Variants in COL11A1 observed in about 807,000 individuals in gnomAD.
The protein encoded by COL11A1 is collagen alpha-1(XI) chain.
In COL11A1, 74 loss-of-function variants were observed where a neutral mutation model predicts 265.2. That is an observed-to-expected ratio of 0.28 (90% CI 0.23 to 0.34). COL11A1 has a LOEUF of 0.34. COL11A1 is among the 10% of genes least tolerant of loss of function. The probability of loss-of-function intolerance (pLI) is 1.00; values close to 1 mark genes in which losing one functional copy is unlikely to be tolerated. For synonymous variants in COL11A1, 816 were observed against 727.6 expected (o/e 1.12, Z -1.96); for missense variants, 2,165 against 2,263.6 (o/e 0.96, Z 0.88).
intron 54 of COL11A1, among the ~76,000 whole-genome samples, chr1:102,905,421 G>GGAAGA (rs1557800467): frequency 2.7e-5 from 4 of 149,186 alleles, no homozygotes; most frequent in Non-Finnish European, 4.4e-5. Flanking sequence ...AGAAAGGAAG[G>GGAAGA]AAGGAAGAAA....
intron 1 of COL11A1, among the ~76,000 whole-genome samples, chr1:103,091,438 G>T (rs966806685): frequency 2.2e-4 from 34 of 151,868 alleles, no homozygotes; most frequent in African/African-American, 8.2e-4. Flanking sequence ...AACCCTTTTT[G>T]GATGAAATTA....
chr1:102,980,115 T>G (rs963477941), intron 31 of COL11A1, among the ~76,000 whole-genome samples: 5 of 152,118 alleles, frequency 3.3e-5, no homozygotes, highest in African/African-American at 1.2e-4. Context: ...ACATTACTTA[T>G]GCGCATCAAG....
chr1:102,966,863 T>G (rs34277983), intron 37 of COL11A1, among the ~76,000 whole-genome samples: 19,003 of 152,128 alleles, frequency 0.12, 1,431 homozygotes, highest in Middle Eastern at 0.19. Flanking sequence ...CCTAAAACTC[T>G]CTCAGTAAGT....
At chr1:103,047,718 C>G (rs920516748) in intron 4 of COL11A1, among the ~76,000 whole-genome samples, 12 of 149,986 alleles carry the variant, frequency 8.0e-5, no homozygotes, top group African/African-American at 2.4e-4. Context: ...TTTGCCCATT[C>G]AGTATGATAT....
rs1655091641 is a variant in COL11A1 at position 102,914,654 on chromosome 1, A to G, written c.3924+50T>C. On this transcript the variant is annotated intron_variant, in intron 51 of 66. Coordinates refer to ENST00000370096, the MANE Select transcript of COL11A1 (RefSeq NM_001854.4). ...TTCAAATCTTTCTAAGAAAAGCTCCAAGGTGAGTTTGGCATAAATGCCACA... is the reference window on the plus strand; with the variant it reads ...TTCAAATCTTTCTAAGAAAAGCTCCGAGGTGAGTTTGGCATAAATGCCACA... The G allele has an allele frequency of 2.2e-6, 3 of 1,375,062 alleles. No homozygotes were observed. The South Asian group carries it at 3.6e-5, about 16-fold the overall frequency. The allele number at this position is 1,375,062 out of a possible 1,614,324, so 85.2% of individuals were successfully genotyped here.
intron 46 of COL11A1, among the ~76,000 whole-genome samples, chr1:102,924,726 T>C (rs1656395208): frequency 6.6e-6 from 1 of 152,074 alleles, no homozygotes; most frequent in African/African-American, 2.4e-5. Context: ...AGTTTAATCT[T>C]AGAAAAAAGA....
chr1:102,923,979 C>T (rs1031622072), intron 46 of COL11A1, among the ~76,000 whole-genome samples: 5 of 150,014 alleles, frequency 3.3e-5, no homozygotes, highest in Non-Finnish European at 7.4e-5. Context: ...GAGGCTGAGG[C>T]GGGCGGATCA....
chr1:102,952,620 T>C (rs1397324490), intron 41 of COL11A1, among the ~76,000 whole-genome samples: 2 of 152,242 alleles, frequency 1.3e-5, no homozygotes. Flanking sequence ...TTTTGGAATG[T>C]ATATCCATGC....
Position 103,095,411 on chromosome 1 carries a change from G to A in COL11A1, c.107-12439C>T, listed in dbSNP as rs534339359. Among the ~76,000 whole-genome samples, 296 of 152,008 alleles carry A rather than the reference G, an allele frequency of 1.9e-3. 2 individuals carry two copies. Among genetic ancestry groups the A allele is most frequent in the African/African-American group, 6.8e-3 (283 of 41,500 alleles). Reference sequence around the variant, plus strand: ...TTATAGGGAGGGTTGCAAAGGCCTGGAAAATAATATCAAATAAAAAGAACA... The same window carrying A: ...TTATAGGGAGGGTTGCAAAGGCCTGAAAAATAATATCAAATAAAAAGAACA... On this transcript the variant is annotated intron_variant, in intron 1 of 66. Transcript: ENST00000370096.
At chr1:102,883,857 G>T (rs879273102) in intron 63 of COL11A1, among the ~76,000 whole-genome samples, 1 of 151,796 alleles carries the variant, frequency 6.6e-6, no homozygotes, top group South Asian at 2.1e-4. Flanking sequence ...TTGAAGGGGG[G>T]TCCTAAGAAG....
intron 48 of COL11A1, among the ~76,000 whole-genome samples, chr1:102,921,089 G>T (rs562853096): frequency 6.6e-6 from 1 of 152,162 alleles, no homozygotes; most frequent in African/African-American, 2.4e-5. Context: ...ACATGATAAA[G>T]GGTGCACCTA....
In COL11A1 at chr1:102,997,134, G is replaced by T. The variant is rs1057521170; in HGVS notation, c.2197-10C>A. On this transcript the variant is annotated splice_polypyrimidine_tract_variant and intron_variant, in intron 25 of 66. Coordinates refer to ENST00000370096, the MANE Select transcript of COL11A1 (RefSeq NM_001854.4). The stretch of plus-strand genomic sequence containing the variant: ...CTTTCCCAGGATGACCCTATATTTA[G>T]CAAAAACATACACTGATAAGATGTA... The T allele has an allele frequency of 1.9e-6, 3 of 1,607,190 alleles. No homozygotes were observed. The highest frequency in any genetic ancestry group is 1.7e-5 in the Admixed American group (1 of 59,866).
chr1:102,963,212 C>T (rs942861312), intron 38 of COL11A1, among the ~76,000 whole-genome samples: 13 of 152,016 alleles, frequency 8.6e-5, no homozygotes, highest in Non-Finnish European at 1.6e-4. Context: ...CATGAGAACC[C>T]AAAAAGCCAG....
At chr1:102,980,316 A>T (rs1662917941) in intron 31 of COL11A1, among the ~76,000 whole-genome samples, 1 of 152,144 alleles carries the variant, frequency 6.6e-6, no homozygotes, top group Admixed American at 6.6e-5. Flanking sequence ...GATGGAATAC[A>T]ATATAATCCC....
intron 46 of COL11A1, among the ~76,000 whole-genome samples, chr1:102,932,531 C>T (rs1657597410): frequency 6.6e-6 from 1 of 152,068 alleles, no homozygotes; most frequent in South Asian, 2.1e-4. Context: ...AACATTTTTT[C>T]CTTCATTTCA....
Position 102,952,454 on chromosome 1 carries a change from G to A in COL11A1, c.3169-5498C>T, listed in dbSNP as rs188765387. Among the ~76,000 whole-genome samples the A allele has an allele frequency of 3.9e-5, 6 of 152,290 alleles. No individual in the cohort carries two copies. In the South Asian group the frequency reaches 6.2e-4, roughly 16 times the overall value. ...TAACTGTTTTAATTTCTCCCTTGGA[G>A]CATTCATAAGATTAAATTTCAGATT... On this transcript the variant is annotated intron_variant, in intron 41 of 66. Transcript: ENST00000370096.
At chr1:103,018,424 T>A (rs1177582609) in intron 10 of COL11A1, among the ~76,000 whole-genome samples, 2 of 152,260 alleles carry the variant, frequency 1.3e-5, no homozygotes, top group Non-Finnish European at 2.9e-5. Context: ...GATACCACAA[T>A]GGAATCTGAT....
At chr1:102,960,705 A>G (rs1001414725) in intron 41 of COL11A1, among the ~76,000 whole-genome samples, 2 of 152,036 alleles carry the variant, frequency 1.3e-5, no homozygotes, top group East Asian at 3.9e-4. Context: ...ACAACATTCA[A>G]TGCATTAAGT....
intron 4 of COL11A1, among the ~76,000 whole-genome samples, chr1:103,062,282 C>T (rs1429571465): frequency 1.3e-5 from 2 of 151,904 alleles, no homozygotes; most frequent in Non-Finnish European, 2.9e-5. Flanking sequence ...TTCTCTGCAA[C>T]CTTTTTCAGA....
Sources: allele counts gnomAD v4.1 joint callset (sites outside exome capture counted in the v4.1 genomes callset), GRCh38; gene constraint gnomAD v4.1.1; transcripts MANE v1.5; gene names NCBI Gene and HGNC (gene_info 2026-07-23, HGNC 2026-07-21).